UMPS: variants seen among roughly 807,000 people sequenced by gnomAD.
The protein encoded by UMPS is uridine monophosphate synthetase, also known as uridine 5'-monophosphate synthase.
Under a neutral mutation model 38.9 loss-of-function variants are expected in UMPS, and 21 were observed. The observed-to-expected ratio is 0.54, with a 90% CI of 0.38 to 0.78. The LOEUF (loss-of-function observed/expected upper bound fraction) is 0.78, where lower values mean the gene tolerates loss of function less well. Ranked by LOEUF, UMPS falls within the 30% of genes least tolerant of loss-of-function variation. The pLI is 0.00. For synonymous variants in UMPS, 208 were observed against 219.3 expected (o/e 0.95, Z 0.45); for missense variants, 533 against 591.6 (o/e 0.90, Z 1.03).
rs1209244396 is a variant in UMPS at position 124,748,576 on chromosome 3, CAG to C, written c.*4495_*4496del. Reference sequence around the variant, plus strand: ...TCTAGACAAGAGGCAGAGGGCTCCTCAGAGTCAGATCCTGGTGTGGGCTCTCA... The same window carrying C: ...TCTAGACAAGAGGCAGAGGGCTCCTCAGTCAGATCCTGGTGTGGGCTCTCA... On this transcript the variant is annotated 3_prime_UTR_variant, in exon 6 of 6. Transcript: ENST00000232607. 1 of 454,126 alleles carries C rather than the reference CAG, an allele frequency of 2.2e-6. No homozygotes were observed. The highest frequency in any genetic ancestry group is 2.3e-5 in the Admixed American group (1 of 42,564). The allele number at this position is 454,126 out of a possible 1,614,324, so 28.1% of individuals were successfully genotyped here.
At chr3:124,738,299 A>G in intron 3 of UMPS, 60 bp downstream of exon 3, 2 of 1,563,482 alleles carry the variant, frequency 1.3e-6, no homozygotes, top group Non-Finnish European at 1.8e-6. Flanking sequence ...TGAAGAAGAA[A>G]AAGGAAATGC....
rs2063625674 is a variant in UMPS at position 124,749,013 on chromosome 3, G to T, written c.*4929G>T. On this transcript the variant is annotated 3_prime_UTR_variant, in exon 6 of 6. Coordinates refer to ENST00000232607, the MANE Select transcript of UMPS (RefSeq NM_000373.4). ...TCGGGGGTGCCCTTGTGCACAGACA[G>T]CTCCATAGTCCTGCCTCCAATGTCC... 2.2e-6 allele frequency: 1 copy of T among 453,970 alleles called. No homozygotes were observed. The highest frequency in any genetic ancestry group is 4.4e-6 in the Non-Finnish European group (1 of 226,792). The allele number at this position is 453,970 out of a possible 1,614,324, so 28.1% of individuals were successfully genotyped here.
At chr3:124,735,602 C>T (rs17282064) in intron 2 of UMPS, among the ~76,000 whole-genome samples, 14,331 of 152,116 alleles carry the variant, frequency 0.094, 867 homozygotes, top group South Asian at 0.18. Context: ...GATAAAATTA[C>T]TCTCATAAAG....
rs775892293 is a variant in UMPS at position 124,747,439 on chromosome 3, C to T, written c.*3355C>T. On this transcript the variant is annotated 3_prime_UTR_variant, in exon 6 of 6. Transcript: ENST00000232607. Reference sequence around the variant, plus strand: ...GGGTGGGAGTCACTCAGTACCAGTTCCGAGCCTGAACCCAAACTCTCGTGT... The same window carrying T: ...GGGTGGGAGTCACTCAGTACCAGTTTCGAGCCTGAACCCAAACTCTCGTGT... The T allele has an allele frequency of 2.6e-5, 12 of 454,032 alleles. No homozygotes were observed. Among genetic ancestry groups the T allele is most frequent in the South Asian group, 1.7e-4 (11 of 64,600 alleles). 28.1% of individuals were successfully genotyped at this position (454,032 alleles called of 1,614,324 possible). A position where few individuals can be genotyped will look rare whatever the true frequency, so the allele number is the denominator to read the frequency against.
intron 3 of UMPS, chr3:124,738,503 C>G (rs967374259): frequency 2.3e-6 from 1 of 434,014 alleles, no homozygotes; most frequent in African/African-American, 2.0e-5. Flanking sequence ...TGTAGAATAC[C>G]TTCATTAACT....
At chr3:124,740,235 G>A (rs878998225) in intron 4 of UMPS, 36 bp downstream of exon 4, 1 of 1,574,216 alleles carries the variant, frequency 6.4e-7, no homozygotes, top group Non-Finnish European at 8.6e-7. Flanking sequence ...AGGGGGCAGG[G>A]GCTGCTATGC....
At position 124,747,117 on chromosome 3, in the gene UMPS, G is replaced by A. The variant is rs1332290890; in HGVS notation, c.*3033G>A. The A allele has an allele frequency of 2.2e-6, 1 of 453,918 alleles. No homozygotes were observed. Among genetic ancestry groups the A allele is most frequent in the Non-Finnish European group, 4.4e-6 (1 of 226,708 alleles). The allele number at this position is 453,918 out of a possible 1,614,324, so 28.1% of individuals were successfully genotyped here. A position where few individuals can be genotyped will look rare whatever the true frequency, so the allele number is the denominator to read the frequency against. On this transcript the variant is annotated 3_prime_UTR_variant, in exon 6 of 6. Transcript: ENST00000232607. ...CTCAAGCGATCCGCTCAAGTAGCTGGAACTACTCTCAAGTAGCTCTCAAGA... is the reference window on the plus strand; with the variant it reads ...CTCAAGCGATCCGCTCAAGTAGCTGAAACTACTCTCAAGTAGCTCTCAAGA...
chr3:124,741,791 A>G (rs1446447747), intron 4 of UMPS, among the ~76,000 whole-genome samples: 2 of 152,182 alleles, frequency 1.3e-5, no homozygotes, highest in African/African-American at 2.4e-5. Context: ...GGAAAGGGTC[A>G]TCTCAGAGTC....
At position 124,748,416 on chromosome 3, in the gene UMPS, C is replaced by T. The variant is rs1052880155; in HGVS notation, c.*4332C>T. The T allele has an allele frequency of 2.2e-6, 1 of 453,928 alleles. No homozygotes were observed. The highest frequency in any genetic ancestry group is 4.4e-6 in the Non-Finnish European group (1 of 226,772). 28.1% of individuals were successfully genotyped at this position (453,928 alleles called of 1,614,324 possible). ...TCCCCATAACCCTTCCAAAGGAAGGCCGCAATAGAAATACAAAGAGAAACA... is the reference window on the plus strand; with the variant it reads ...TCCCCATAACCCTTCCAAAGGAAGGTCGCAATAGAAATACAAAGAGAAACA... On this transcript the variant is annotated 3_prime_UTR_variant, in exon 6 of 6. Transcript: ENST00000232607.
At position 124,743,972 on chromosome 3, in the gene UMPS, C is replaced by G. The variant is rs953921302; in HGVS notation, c.1331C>G (p.Ser444Cys). 2 of 1,614,048 alleles carry G rather than the reference C, an allele frequency of 1.2e-6. No homozygotes were observed. Among genetic ancestry groups the G allele is most frequent in the African/African-American group, 2.7e-5 (2 of 74,920 alleles). Residue 444 changes from serine to cysteine, a missense_variant, in exon 6 of 6, where the codon TCC (serine) becomes TGC (cysteine). By Grantham distance (112) the Ser-to-Cys change is moderately radical. Coordinates refer to ENST00000232607, the MANE Select transcript of UMPS (RefSeq NM_000373.4). The stretch of plus-strand genomic sequence containing the variant: ...CAAGAAGTTATTGGCAAACGAGGTT[C>G]CGATATCATCATTGTAGGTCGTGGC... ...SPQEVIGKRG[S>C]DIIIVGRGII...
Position 124,747,250 on chromosome 3 carries a change from C to G in UMPS, c.*3166C>G. On this transcript the variant is annotated 3_prime_UTR_variant, in exon 6 of 6. Coordinates refer to ENST00000232607, the MANE Select transcript of UMPS (RefSeq NM_000373.4). ...GTTCTCACTGTGACTCAGTGTGTGC[C>G]CGACAGCAGAGCCCACACCACTCCA... is the stretch of plus-strand genomic sequence containing the variant. The G allele has an allele frequency of 2.2e-6, 1 of 448,486 alleles. No individual in the cohort carries two copies. The highest frequency in any genetic ancestry group is 1.5e-5 in the South Asian group (1 of 64,836). The allele number at this position is 448,486 out of a possible 1,614,324, so 27.8% of individuals were successfully genotyped here.
Position 124,740,919 on chromosome 3 carries a change from A to C in UMPS, c.1158+720A>C, listed in dbSNP as rs2063552036. 2.0e-5 allele frequency among the ~76,000 whole-genome samples: 3 copies of C among 152,182 alleles called. No individual in the cohort carries two copies. In the South Asian group the frequency reaches 6.2e-4, roughly 32 times the overall value. ...AGCCATGATCATGCCACTTTACCTC[A>C]GCCTGGGCAAGAGTAAGAGCCTGTC... On this transcript the variant is annotated intron_variant, in intron 4 of 5. Transcript: ENST00000232607.
At chr3:124,731,990 A>T (rs2063482694) in intron 1 of UMPS, among the ~76,000 whole-genome samples, 1 of 150,130 alleles carries the variant, frequency 6.7e-6, no homozygotes, top group Non-Finnish European at 1.5e-5. Context: ...TGTAGAGAGG[A>T]GGTCTCACCA....
chr3:124,748,597 GCT>G lies in UMPS; in HGVS notation c.*4517_*4518del. On this transcript the variant is annotated 3_prime_UTR_variant, in exon 6 of 6. Transcript: ENST00000232607. ...TCCTCAGAGTCAGATCCTGGTGTGG[GCT>G]CTCACGTGCTGCTGCTGAATCCCAG... is the stretch of plus-strand genomic sequence containing the variant. The G allele has an allele frequency of 2.2e-6, 1 of 454,088 alleles. No homozygotes were observed. Among genetic ancestry groups the G allele is most frequent in the Non-Finnish European group, 4.4e-6 (1 of 226,780 alleles). 28.1% of individuals were successfully genotyped at this position (454,088 alleles called of 1,614,324 possible).
chr3:124,736,198 G>C (rs1221209510), intron 2 of UMPS, among the ~76,000 whole-genome samples: 5 of 152,202 alleles, frequency 3.3e-5, no homozygotes, highest in Admixed American at 6.5e-5. Context: ...AGGAGCTGAA[G>C]GTTGCAGTGA....
chr3:124,737,285 G>T, intron 2 of UMPS: 1 of 335,816 alleles, frequency 3.0e-6, no homozygotes. Flanking sequence ...CTCTCTATTT[G>T]AAAATTTGAT....
At position 124,748,478 on chromosome 3, in the gene UMPS, G is replaced by A. The variant is rs1324019880; in HGVS notation, c.*4394G>A. The A allele has an allele frequency of 2.2e-6, 1 of 453,698 alleles. No homozygotes were observed. Among genetic ancestry groups the A allele is most frequent in the Non-Finnish European group, 4.4e-6 (1 of 226,762 alleles). 28.1% of individuals were successfully genotyped at this position (453,698 alleles called of 1,614,324 possible). On this transcript the variant is annotated 3_prime_UTR_variant, in exon 6 of 6. Coordinates refer to ENST00000232607, the MANE Select transcript of UMPS (RefSeq NM_000373.4). ...ATATTTTTTAACTTCTAAAGTTCAA[G>A]GTTTTGGCATAAGTCTGGTTTAGAA...
chr3:124,731,205 C>A (rs573667001), intron 1 of UMPS, among the ~76,000 whole-genome samples: 101 of 141,248 alleles, frequency 7.2e-4, no homozygotes, highest in African/African-American at 2.5e-3. Context: ...ACCCTGCCCT[C>A]AAAAAACAAA....
In UMPS at chr3:124,737,876, G is replaced by A. The variant is rs1043308801; in HGVS notation, c.619G>A (p.Val207Met). 1 of 1,614,208 alleles carries A rather than the reference G, an allele frequency of 6.2e-7. No homozygotes were observed. The highest frequency in any genetic ancestry group is 8.5e-7 in the Non-Finnish European group (1 of 1,180,036). Residue 207 changes from valine (V) to methionine (M), a missense_variant, in exon 3 of 6, where the codon GTG becomes ATG. By Grantham distance (21) the Val-to-Met change is conservative. Coordinates refer to ENST00000232607, the MANE Select transcript of UMPS (RefSeq NM_000373.4). ...VKRFIQENVF[V>M]AANHNGSPLS... The stretch of plus-strand genomic sequence containing the variant: ...GAGGTTTATTCAGGAGAATGTCTTT[G>A]TGGCAGCGAATCATAATGGTTCTCC...
Sources: gnomAD v4.1 joint callset for allele counts (sites outside exome capture counted in the v4.1 genomes callset) on GRCh38, gnomAD v4.1.1 for gene constraint, MANE v1.5 for transcripts, NCBI Gene and HGNC (gene_info 2026-07-23, HGNC 2026-07-21) for gene names.